Variants in AGTPBP1 observed in about 807,000 individuals in gnomAD.
AGTPBP1 encodes cytosolic carboxypeptidase 1.
Under a neutral mutation model 143.9 loss-of-function variants are expected in AGTPBP1, and 70 were observed. The observed-to-expected ratio is 0.49, with a 90% CI of 0.40 to 0.59. The LOEUF is 0.59. AGTPBP1 is among the 20% of genes least tolerant of loss of function. The pLI, the probability that AGTPBP1 is intolerant of heterozygous loss-of-function variation, is 0.00. For synonymous variants in AGTPBP1, 463 were observed against 500.2 expected (o/e 0.93, Z 0.99); for missense variants, 1,229 against 1,464.5 (o/e 0.84, Z 2.62).
At position 85,638,130 on chromosome 9, in the gene AGTPBP1, T is replaced by C. The variant is rs561568797; in HGVS notation, c.1302+4697A>G. 1.5e-4 allele frequency among the ~76,000 whole-genome samples: 22 copies of C among 151,006 alleles called. No individual in the cohort carries two copies. In the South Asian group the frequency reaches 4.4e-3, roughly 30 times the overall value. On this transcript the variant is annotated intron_variant, in intron 13 of 25. Coordinates refer to ENST00000357081, the MANE Select transcript of AGTPBP1 (RefSeq NM_001330701.2). ...CTTTTTATGTTTAGTAAAAAAAAAG[T>C]GTGTATATATATATGTTGATTTGGG...
intron 12 of AGTPBP1, among the ~76,000 whole-genome samples, chr9:85,644,852 T>TA (rs1433594539): frequency 5.3e-5 from 8 of 151,760 alleles, no homozygotes; most frequent in African/African-American, 1.7e-4. Context: ...AGGATTCAGA[T>TA]AAAAAAAGGA....
At chr9:85,720,627 T>G (rs1056453685) in intron 1 of AGTPBP1, among the ~76,000 whole-genome samples, 4 of 152,172 alleles carry the variant, frequency 2.6e-5, no homozygotes, top group African/African-American at 7.2e-5. Context: ...ATTCATTGAT[T>G]TTTTTAAGGG....
chr9:85,716,255 T>G (rs1048594413), intron 1 of AGTPBP1, among the ~76,000 whole-genome samples: 16 of 152,222 alleles, frequency 1.1e-4, no homozygotes, highest in African/African-American at 3.9e-4. Context: ...TTGGAAATGC[T>G]TTCTTCATTT....
the AGTPBP1 span, chr9:85,773,940 G>A: frequency 6.2e-6 from 10 of 1,602,320 alleles, no homozygotes; most frequent in African/African-American, 1.1e-4. Context: ...ATTAGAATCT[G>A]CACTGGACCA....
rs1315232375 is a variant in AGTPBP1, at chr9:85,677,364, GT to G, written c.436+71del. On this transcript the variant is annotated intron_variant, in intron 6 of 25. Transcript: ENST00000357081. ...AAATAACATTTTTAAAAACTGAGTA[GT>G]TACAAGGTGAGAGAATCACTGTTAC... 35 of 1,393,700 alleles carry G rather than the reference GT, an allele frequency of 2.5e-5. No individual in the cohort carries two copies. In the East Asian group the frequency reaches 8.2e-4, roughly 33 times the overall value. 86.3% of individuals were successfully genotyped at this position (1,393,700 alleles called of 1,614,324 possible). A position where few individuals can be genotyped will look rare whatever the true frequency, so the allele number is the denominator to read the frequency against.
intron 13 of AGTPBP1, 81 bp from the exon 14 acceptor site, chr9:85,633,455 A>T: frequency 9.0e-7 from 1 of 1,105,604 alleles, no homozygotes; most frequent in South Asian, 2.4e-5. Context: ...CATGTTATAT[A>T]TTGCTTCAGA....
chr9:85,592,354 TTTC>T (rs1829023507), intron 19 of AGTPBP1, among the ~76,000 whole-genome samples: 1 of 152,068 alleles, frequency 6.6e-6, no homozygotes, highest in African/African-American at 2.4e-5. Flanking sequence ...ACTAAACCCT[TTTC>T]TTATGTTATA....
the AGTPBP1 span, among the ~76,000 whole-genome samples, chr9:85,761,890 A>C: frequency 6.6e-6 from 1 of 152,254 alleles, no homozygotes; most frequent in East Asian, 1.9e-4. Context: ...CAAAGGGCTA[A>C]TATCCAGAAT....
intron 17 of AGTPBP1, among the ~76,000 whole-genome samples, chr9:85,606,943 G>T (rs773279919): frequency 2.2e-4 from 33 of 151,918 alleles, no homozygotes; most frequent in Non-Finnish European, 3.5e-4. Flanking sequence ...GTTGGTTAAT[G>T]AGTGTAAATA....
the AGTPBP1 span, among the ~76,000 whole-genome samples, chr9:85,789,711 T>C: frequency 6.6e-6 from 1 of 152,198 alleles, no homozygotes; most frequent in East Asian, 1.9e-4. Context: ...AAATATGATC[T>C]TCATTAATTG....
intron 14 of AGTPBP1, among the ~76,000 whole-genome samples, chr9:85,632,293 C>T (rs1377124926): frequency 6.6e-6 from 1 of 152,060 alleles, no homozygotes; most frequent in African/African-American, 2.4e-5. Flanking sequence ...ATTTTTAAAT[C>T]CTATACTTAA....
At chr9:85,677,654 A>G in intron 5 of AGTPBP1, 72 bp from the exon 6 acceptor site, 1 of 1,262,726 alleles carries the variant, frequency 7.9e-7, no homozygotes, top group Non-Finnish European at 1.1e-6. Flanking sequence ...CAAACATATT[A>G]GGTATCATAA....
At chr9:85,719,450 T>C (rs1837953489) in intron 1 of AGTPBP1, among the ~76,000 whole-genome samples, 1 of 152,220 alleles carries the variant, frequency 6.6e-6, no homozygotes, top group Non-Finnish European at 1.5e-5. Flanking sequence ...AGGTCACTCA[T>C]GATTTGGCTC....
At chr9:85,798,776 T>C in the AGTPBP1 span, among the ~76,000 whole-genome samples, 1 of 152,150 alleles carries the variant, frequency 6.6e-6, no homozygotes, top group Non-Finnish European at 1.5e-5. Flanking sequence ...AATGAGGTGA[T>C]ATCTGGGCAT....
the AGTPBP1 span, among the ~76,000 whole-genome samples, chr9:85,778,759 C>A: frequency 6.6e-6 from 1 of 152,154 alleles, no homozygotes; most frequent in Non-Finnish European, 1.5e-5. Context: ...CACCACTGGA[C>A]CCCTAGAAAT....
At chr9:85,592,500 C>CA in intron 19 of AGTPBP1, 60 bp downstream of exon 19, 1 of 1,219,804 alleles carries the variant, frequency 8.2e-7, no homozygotes, top group South Asian at 1.9e-5. Context: ...TAACTAAACT[C>CA]AATTTTCTTC....
rs752622967 is a variant in AGTPBP1, at chr9:85,642,946, G to A, written c.1186-3C>T. On this transcript the variant is annotated splice_region_variant and splice_polypyrimidine_tract_variant and intron_variant, in intron 12 of 25. Coordinates refer to ENST00000357081, the MANE Select transcript of AGTPBP1 (RefSeq NM_001330701.2). ...ATATCTGTTTCAATATCATCATTCT[G>A]AAATGATAAAAAGAGTATGTTATCA... 5.6e-6 allele frequency: 9 copies of A among 1,598,980 alleles called. No homozygotes were observed. Among genetic ancestry groups the A allele is most frequent in the Non-Finnish European group, 6.8e-6 (8 of 1,168,634 alleles).
At chr9:85,775,465 C>A in the AGTPBP1 span, among the ~76,000 whole-genome samples, 1 of 149,506 alleles carries the variant, frequency 6.7e-6, no homozygotes, top group Non-Finnish European at 1.5e-5. Context: ...AGTGGGACCC[C>A]ATCTGTATTA....
At chr9:85,803,000 A>T in the AGTPBP1 span, among the ~76,000 whole-genome samples, 1 of 152,202 alleles carries the variant, frequency 6.6e-6, no homozygotes, top group Non-Finnish European at 1.5e-5. Context: ...AGAAGGGGAG[A>T]CTAAATTATG....
Sources: gnomAD v4.1 joint callset for allele counts (sites outside exome capture counted in the v4.1 genomes callset) on GRCh38, gnomAD v4.1.1 for gene constraint, MANE v1.5 for transcripts, NCBI Gene and HGNC (gene_info 2026-07-23, HGNC 2026-07-21) for gene names.